The following CEP295 variants were observed in gnomAD, a reference collection of about 807,000 sequenced individuals.
CEP295 encodes the protein centrosomal protein 295.
A neutral mutation model predicts 291.6 loss-of-function variants in CEP295; 190 were observed. The ratio of observed to expected loss-of-function variants is 0.65; its 90% CI spans 0.58 to 0.73. The LOEUF (loss-of-function observed/expected upper bound fraction) is 0.73, where lower values mean the gene tolerates loss of function less well. Among genes scored for constraint, CEP295 ranks in the 30% least tolerant of loss-of-function variants. The pLI, the probability that CEP295 is intolerant of heterozygous loss-of-function variation, is 0.00. For synonymous variants in CEP295, 993 were observed against 1,038.8 expected, an observed-to-expected ratio of 0.96 and a Z score of 0.85; for missense variants, 2,863 against 2,949.4, an observed-to-expected ratio of 0.97 and a Z score of 0.68.
rs755888713 is a variant in CEP295 at position 93,721,760 on chromosome 11, G to T, written c.5851-194G>T. The T allele has an allele frequency of 6.9e-6, 5 of 720,990 alleles. No homozygotes were observed. In the African/African-American group the frequency reaches 6.9e-5, roughly 10 times the overall value. The allele number at this position is 720,990 out of a possible 1,614,324, so 44.7% of individuals were successfully genotyped here. Reference sequence around the variant, plus strand: ...GAATGAATGAGATTGAGGGTGGGGGGGTGCGTATGTATGTCTATGAAAGCC... The same window carrying T: ...GAATGAATGAGATTGAGGGTGGGGGTGTGCGTATGTATGTCTATGAAAGCC... On this transcript the variant is annotated intron_variant, in intron 19 of 29. Coordinates refer to ENST00000325212, the MANE Select transcript of CEP295 (RefSeq NM_033395.2).
Position 93,729,680 on chromosome 11 carries a change from C to G in CEP295, c.7466C>G (p.Ser2489Ter). 1 of 1,550,590 alleles carries G rather than the reference C, an allele frequency of 6.4e-7. No homozygotes were observed. Among genetic ancestry groups the G allele is most frequent in the Non-Finnish European group, 8.7e-7 (1 of 1,146,312 alleles). Residue 2489 changes from serine (S) to a stop codon, truncating the protein, a stop_gained, in exon 27 of 30, where the codon TCA becomes TGA. Coordinates refer to ENST00000325212, the MANE Select transcript of CEP295 (RefSeq NM_033395.2). LOFTEE classifies it high-confidence loss of function. Reference sequence around the variant, plus strand: ...GAAGCATTTATAAAGAGGAAAAAATCATTTATGGAGAGATCCCACCAGAGG... The same window carrying G: ...GAAGCATTTATAAAGAGGAAAAAATGATTTATGGAGAGATCCCACCAGAGG... Reference protein sequence around the residue: ...LQEAFIKRKKSFMERSHQRQK... With the variant: ...LQEAFIKRKK
intron 10 of CEP295, among the ~76,000 whole-genome samples, chr11:93,690,923 C>G (rs962856756): frequency 1.3e-5 from 2 of 152,090 alleles, no homozygotes; most frequent in Non-Finnish European, 2.9e-5. Flanking sequence ...GAAAGGTCTC[C>G]TATACATCTT....
rs959532940 is a variant in CEP295, at chr11:93,725,843, T to C, written c.6499+12T>C. The C allele has an allele frequency of 1.9e-6, 3 of 1,544,710 alleles. No individual in the cohort carries two copies. In the African/African-American group the frequency reaches 4.1e-5, roughly 21 times the overall value. ...AAATATTATTGGGGGTATGTATGAC[T>C]AAGTTAGAAAAAGTTAATTTTTCCA... is the stretch of plus-strand genomic sequence containing the variant. On this transcript the variant is annotated intron_variant, in intron 23 of 29. Transcript: ENST00000325212.
intron 17 of CEP295, among the ~76,000 whole-genome samples, chr11:93,703,767 C>CTTTTTTTT (rs748490554): frequency 7.8e-6 from 1 of 127,936 alleles, no homozygotes; most frequent in African/African-American, 2.9e-5. Context: ...CCCTGTAATT[C>CTTTTTTTT]TTTTTTTTTT....
intron 9 of CEP295, among the ~76,000 whole-genome samples, chr11:93,684,536 A>T (rs375638772): frequency 2.6e-5 from 4 of 152,190 alleles, no homozygotes; most frequent in Non-Finnish European, 5.9e-5. Flanking sequence ...TTTCTTGTCT[A>T]TGAGGAACAT....
intron 7 of CEP295, among the ~76,000 whole-genome samples, chr11:93,680,476 G>A (rs1950908080): frequency 6.6e-6 from 1 of 152,104 alleles, no homozygotes; most frequent in Admixed American, 6.5e-5. Context: ...GTGGTGGCCT[G>A]GGACTACAGA....
chr11:93,729,500 T>A lies in CEP295; in HGVS notation c.7369T>A (p.Ser2457Thr). The stretch of plus-strand genomic sequence containing the variant: ...AGATTATCCAGCTGTATCAGAACTT[T>A]CCATAGAAAAACCAAGGACAGCATC... ...ASDYPAVSEL[S>T]IEKPRTASTE... Residue 2457 changes from serine to threonine, a missense_variant, in exon 26 of 30, where the codon TCC becomes ACC. Physicochemically the swap from Ser to Thr is moderately conservative, Grantham distance 58. Around this residue, in one of 3 missense-constraint regions of CEP295, gnomAD observed 2,295 missense variants for 2,335.7 expected, o/e 0.98. Coordinates refer to ENST00000325212, the MANE Select transcript of CEP295 (RefSeq NM_033395.2). 2 of 1,551,884 alleles carry A rather than the reference T, an allele frequency of 1.3e-6. No individual in the cohort carries two copies. Among genetic ancestry groups the A allele is most frequent in the East Asian group, 2.4e-5 (1 of 40,922 alleles).
chr11:93,705,040 G>A (rs1470642541), intron 17 of CEP295, among the ~76,000 whole-genome samples: 1 of 151,866 alleles, frequency 6.6e-6, no homozygotes, highest in Non-Finnish European at 1.5e-5. Flanking sequence ...TTTTTTTCAT[G>A]TAGTAAATTG....
chr11:93,712,638 A>G (rs1352473275), intron 18 of CEP295, among the ~76,000 whole-genome samples: 3 of 152,036 alleles, frequency 2.0e-5, no homozygotes, highest in Admixed American at 6.6e-5. Context: ...TTTTGTTTTC[A>G]GTCTGTGTTT....
Position 93,724,099 on chromosome 11 carries a change from A to G in CEP295, c.6197-155A>G, listed in dbSNP as rs1033598990. ...CTTAACTTTAAAGCATCTGCTGATCATGGGGGAAAAACTGAAGTTTTTGTT... is the reference window on the plus strand; with the variant it reads ...CTTAACTTTAAAGCATCTGCTGATCGTGGGGGAAAAACTGAAGTTTTTGTT... On this transcript the variant is annotated intron_variant, in intron 21 of 29. Coordinates refer to ENST00000325212, the MANE Select transcript of CEP295 (RefSeq NM_033395.2). The G allele has an allele frequency of 1.8e-4, 118 of 644,144 alleles. No homozygotes were observed. The African/African-American group carries it at 2.0e-3, about 11-fold the overall frequency. The allele number at this position is 644,144 out of a possible 1,614,324, so 39.9% of individuals were successfully genotyped here.
intron 24 of CEP295, chr11:93,727,872 G>C: frequency 5.0e-6 from 2 of 402,638 alleles, no homozygotes; most frequent in Non-Finnish European, 8.8e-6. Flanking sequence ...TTGCTATCCA[G>C]CTTGTGATCA....
chr11:93,666,025 G>C (rs1043884120), intron 1 of CEP295, among the ~76,000 whole-genome samples: 1 of 152,092 alleles, frequency 6.6e-6, no homozygotes, highest in Non-Finnish European at 1.5e-5. Context: ...TTAGGTCTTT[G>C]TGCTTTTTCA....
At chr11:93,696,588 A>C (rs1951855891) in intron 14 of CEP295, 94 bp from the exon 15 acceptor site, 1 of 1,218,928 alleles carries the variant, frequency 8.2e-7, no homozygotes, top group Admixed American at 2.8e-5. Context: ...AGTATTGCCA[A>C]CCCTAGATTG....
At chr11:93,666,888 G>C (rs1950226544) in intron 2 of CEP295, 73 bp downstream of exon 2, 1 of 813,566 alleles carries the variant, frequency 1.2e-6, no homozygotes, top group Non-Finnish European at 1.9e-6. Flanking sequence ...ACATTAGAGT[G>C]TTCTAAATGT....
At chr11:93,691,376 TTTTAAC>T (rs1435737160) in intron 10 of CEP295, among the ~76,000 whole-genome samples, 2 of 152,260 alleles carry the variant, frequency 1.3e-5, no homozygotes, top group Non-Finnish European at 1.5e-5. Flanking sequence ...AGCTTCTCCT[TTTTAAC>T]TTTGATACCT....
rs1323557864 is a variant in CEP295 at position 93,721,361 on chromosome 11, TG to T, written c.5800del (p.Val1934TrpfsTer12). On this transcript the variant is annotated frameshift_variant, in exon 19 of 30. Coordinates refer to ENST00000325212, the MANE Select transcript of CEP295 (RefSeq NM_033395.2). LOFTEE classifies it high-confidence loss of function. ...AAAATCATGCAGTGTTAAGTTATGC[TG>T]TGGAGGAAGAACATGCATATTTGGG... ...VENHAVLSYAVEEEHAYLGPT... is the reference protein window; with the variant it reads ...VENHAVLSYAXEEEHAYLGPT... The T allele has an allele frequency of 1.3e-6, 2 of 1,565,520 alleles. No homozygotes were observed. Among genetic ancestry groups the T allele is most frequent in the Admixed American group, 1.9e-5 (1 of 52,242 alleles).
At chr11:93,712,875 T>C (rs980025493) in intron 18 of CEP295, among the ~76,000 whole-genome samples, 3 of 150,420 alleles carry the variant, frequency 2.0e-5, no homozygotes, top group Non-Finnish European at 4.4e-5. Flanking sequence ...GTTGTTGTTG[T>C]TGTTGTTGTT....
chr11:93,689,754 A>T (rs1376214864), intron 10 of CEP295, among the ~76,000 whole-genome samples: 1 of 152,170 alleles, frequency 6.6e-6, no homozygotes, highest in Non-Finnish European at 1.5e-5. Flanking sequence ...ATCCATAAGG[A>T]CAGGAGCTTT....
chr11:93,673,210 G>A (rs1315015467), intron 5 of CEP295, among the ~76,000 whole-genome samples: 2 of 152,128 alleles, frequency 1.3e-5, no homozygotes, highest in East Asian at 1.9e-4. Flanking sequence ...AGCTACTCAG[G>A]AGGCTGAGTT....
Sources: allele counts gnomAD v4.1 joint callset (sites outside exome capture counted in the v4.1 genomes callset), GRCh38; gene constraint gnomAD v4.1.1; regional missense constraint gnomAD v4.1.1; transcripts MANE v1.5; gene names NCBI Gene and HGNC (gene_info 2026-07-23, HGNC 2026-07-21).